ANKS1A: variants seen among roughly 807,000 people sequenced by gnomAD.
ANKS1A encodes ankyrin repeat and sterile alpha motif domain containing 1A.
In ANKS1A, 55 loss-of-function variants were observed where a neutral mutation model predicts 120.3. That is an observed-to-expected ratio of 0.46 (90% confidence interval 0.37 to 0.57). ANKS1A has a LOEUF of 0.57. ANKS1A is among the 20% of genes least tolerant of loss of function. The probability of loss-of-function intolerance (pLI) is 0.00; values close to 1 mark genes in which losing one functional copy is unlikely to be tolerated. For synonymous variants in ANKS1A, 590 were observed against 604.7 expected (o/e 0.98, Z 0.36); for missense variants, 1,123 against 1,480.3 (o/e 0.76, Z 3.96).
Position 35,084,113 on chromosome 6 carries a change from C to T in ANKS1A, c.2995-8C>T. On this transcript the variant is annotated splice_polypyrimidine_tract_variant and splice_region_variant and intron_variant, in intron 20 of 23. Coordinates refer to ENST00000360359, the MANE Select transcript of ANKS1A (RefSeq NM_015245.3). This position sits in a 1 kb window ranked among gnomAD's most constrained non-coding sequence, Gnocchi z 4.8. ...CTGAGAATTCCAGAACACGGCTTTCCCCAGCAGAACGTCATTGCAGAGCAC... is the reference window on the plus strand; with the variant it reads ...CTGAGAATTCCAGAACACGGCTTTCTCCAGCAGAACGTCATTGCAGAGCAC... 6.2e-7 allele frequency: 1 copy of T among 1,614,034 alleles called. No individual in the cohort carries two copies. The highest frequency in any genetic ancestry group is 1.1e-5 in the South Asian group (1 of 91,060).
At chr6:34,893,890 A>G (rs181851248) in intron 1 of ANKS1A, among the ~76,000 whole-genome samples, 5 of 152,352 alleles carry the variant, frequency 3.3e-5, no homozygotes, top group Non-Finnish European at 7.3e-5. Context: ...TCAAATAAAG[A>G]TTAAATTATG....
chr6:35,055,874 T>A (rs1001686022), intron 12 of ANKS1A, among the ~76,000 whole-genome samples: 3 of 152,174 alleles, frequency 2.0e-5, no homozygotes, highest in Admixed American at 6.5e-5. Flanking sequence ...AATTTGTGGA[T>A]CTGTTTTCAG....
intron 13 of ANKS1A, among the ~76,000 whole-genome samples, chr6:35,071,237 C>T (rs895671191): frequency 7.0e-6 from 1 of 142,140 alleles, no homozygotes; most frequent in Non-Finnish European, 1.5e-5. Flanking sequence ...TCTTGTGTCT[C>T]CCTAAAATGT....
rs144467519 is a variant in ANKS1A, at chr6:35,036,355, C to T, written c.2011-17744C>T. The stretch of plus-strand genomic sequence containing the variant: ...ATTTTTGCTTTGAGCTGAGATGCTG[C>T]GTTGGTTTTCATTGTAAAACATCAG... On this transcript the variant is annotated intron_variant, in intron 11 of 23. Coordinates refer to ENST00000360359, the MANE Select transcript of ANKS1A (RefSeq NM_015245.3). 1.0e-3 allele frequency among the ~76,000 whole-genome samples: 157 copies of T among 152,244 alleles called. 1 individual carries two copies. The highest frequency in any genetic ancestry group is 3.5e-3 in the African/African-American group (145 of 41,540).
chr6:35,084,524 C>CA lies in ANKS1A; in HGVS notation c.3132+267dup, dbSNP rs1039764280. Among the ~76,000 whole-genome samples the CA allele has an allele frequency of 4.7e-5, 7 of 148,116 alleles. No homozygotes were observed. The highest frequency in any genetic ancestry group is 1.0e-4 in the Non-Finnish European group (7 of 67,438). ...TTTTTTTTTTTAAGAGATGGAGTCT[C>CA]ACTATGTTGCCCAGGCTTGCCTTGC... On this transcript the variant is annotated intron_variant, in intron 21 of 23. Coordinates refer to ENST00000360359, the MANE Select transcript of ANKS1A (RefSeq NM_015245.3). The surrounding 1 kb of genome is among the most constrained non-coding windows in gnomAD (Gnocchi z 4.8).
chr6:34,969,728 C>T (rs987525558), intron 2 of ANKS1A, among the ~76,000 whole-genome samples: 2 of 152,120 alleles, frequency 1.3e-5, no homozygotes, highest in African/African-American at 2.4e-5. Context: ...ACAAAGAGTC[C>T]AGACATTTTC....
chr6:34,975,183 T>C (rs552555312), intron 3 of ANKS1A, among the ~76,000 whole-genome samples: 2 of 152,268 alleles, frequency 1.3e-5, no homozygotes, highest in African/African-American at 4.8e-5. Flanking sequence ...GGCCAGGTGC[T>C]GGAATTACAG....
chr6:35,082,632 GCAAGC>G lies in ANKS1A; in HGVS notation c.2710-57_2710-53del. 5 of 1,540,394 alleles carry G rather than the reference GCAAGC, an allele frequency of 3.2e-6. No individual in the cohort carries two copies. The Admixed American group carries it at 9.8e-5, about 30-fold the overall frequency. ...CCCTTGAGTGTGCTGGAGCCAGGCA[GCAAGC>G]CCATGTGCTCCTCTGGAGCAAGGAG... On this transcript the variant is annotated intron_variant, in intron 17 of 23. Coordinates refer to ENST00000360359, the MANE Select transcript of ANKS1A (RefSeq NM_015245.3). This position sits in a 1 kb window ranked among gnomAD's most constrained non-coding sequence, Gnocchi z 4.1.
chr6:34,903,786 A>G (rs1767495276), intron 1 of ANKS1A, among the ~76,000 whole-genome samples: 3 of 151,958 alleles, frequency 2.0e-5, no homozygotes, highest in African/African-American at 4.8e-5. Context: ...AAGTGTTGGG[A>G]TTACAGGCAT....
chr6:35,071,791 C>T (rs1051135799), intron 13 of ANKS1A, among the ~76,000 whole-genome samples: 5 of 152,262 alleles, frequency 3.3e-5, no homozygotes, highest in Non-Finnish European at 1.5e-5. Context: ...CTCCTACCTA[C>T]CCCGGCCTCG....
At position 34,945,199 on chromosome 6, in the gene ANKS1A, C is replaced by G. The variant is rs376634469; in HGVS notation, c.198-22040C>G. Among the ~76,000 whole-genome samples, 48 of 152,240 alleles carry G rather than the reference C, an allele frequency of 3.2e-4. 1 individual carries two copies. In the South Asian group the frequency reaches 1.0e-2, roughly 32 times the overall value. ...CAAGTGATTCTTCTGCCTCAGCCTC[C>G]CGAGTAGCTGGGACTACAGGCATGC... On this transcript the variant is annotated intron_variant, in intron 1 of 23. Coordinates refer to ENST00000360359, the MANE Select transcript of ANKS1A (RefSeq NM_015245.3).
chr6:34,985,341 G>A, intron 8 of ANKS1A, 63 bp downstream of exon 8: 2 of 1,520,692 alleles, frequency 1.3e-6, no homozygotes, highest in East Asian at 2.3e-5. Flanking sequence ...CTGAGGTGAT[G>A]GGGCACGGGG....
intron 1 of ANKS1A, among the ~76,000 whole-genome samples, chr6:34,900,788 A>C (rs1269081614): frequency 6.6e-6 from 1 of 152,146 alleles, no homozygotes; most frequent in Non-Finnish European, 1.5e-5. Flanking sequence ...TTTACCCAAG[A>C]ATGTAACACA....
At position 34,889,508 on chromosome 6, in the gene ANKS1A, G is replaced by A; in HGVS notation, c.106G>A (p.Gly36Ser). The A allele has an allele frequency of 7.8e-7, 1 of 1,275,080 alleles. No homozygotes were observed. The highest frequency in any genetic ancestry group is 3.5e-5 in the South Asian group (1 of 28,372). The allele number at this position is 1,275,080 out of a possible 1,614,324, so 79.0% of individuals were successfully genotyped here. Residue 36 changes from glycine to serine, a missense_variant, in exon 1 of 24, where the codon GGC becomes AGC. Coordinates refer to ENST00000360359, the MANE Select transcript of ANKS1A (RefSeq NM_015245.3). The surrounding 1 kb of genome is among the most constrained non-coding windows in gnomAD (Gnocchi z 5.5). ...GCTCTCCTCAGGCTTTGGGGGCGGC[G>A]GCGGCGGTGGCTCTGGGGGCGGCGG... is the stretch of plus-strand genomic sequence containing the variant. Reference protein sequence around the residue: ...KRLSSGFGGGGGGGSGGGGGG... With the variant: ...KRLSSGFGGGSGGGSGGGGGG...
intron 12 of ANKS1A, among the ~76,000 whole-genome samples, chr6:35,055,070 C>T (rs1359599068): frequency 6.6e-6 from 1 of 152,220 alleles, no homozygotes; most frequent in African/African-American, 2.4e-5. Context: ...CCTCCATGGG[C>T]TTCTGTGGCC....
chr6:35,049,400 AG>A (rs1775868221), intron 11 of ANKS1A, among the ~76,000 whole-genome samples: 1 of 152,256 alleles, frequency 6.6e-6, no homozygotes, highest in Non-Finnish European at 1.5e-5. Flanking sequence ...AGCGTGGCGC[AG>A]GGTCCTTACC....
chr6:35,014,877 C>G (rs2127555869), intron 10 of ANKS1A, among the ~76,000 whole-genome samples: 1 of 152,252 alleles, frequency 6.6e-6, no homozygotes, highest in African/African-American at 2.4e-5. Flanking sequence ...ATTAACTCTC[C>G]CCATCAGCTT....
At chr6:34,897,694 G>A (rs1767159255) in intron 1 of ANKS1A, among the ~76,000 whole-genome samples, 1 of 152,170 alleles carries the variant, frequency 6.6e-6, no homozygotes, top group African/African-American at 2.4e-5. Flanking sequence ...AGAGTTAATG[G>A]TAGTAATACT....
chr6:35,070,826 T>TG, intron 13 of ANKS1A: 1 of 489,506 alleles, frequency 2.0e-6, no homozygotes, highest in South Asian at 1.8e-5. Flanking sequence ...TCTTTTTTCT[T>TG]TGTGTGTGTG....
Sources: gnomAD v4.1 joint callset for allele counts (sites outside exome capture counted in the v4.1 genomes callset) on GRCh38, gnomAD v4.1.1 for gene constraint, Gnocchi (gnomAD v3.1) non-coding constraint, MANE v1.5 for transcripts, NCBI Gene and HGNC (gene_info 2026-07-23, HGNC 2026-07-21) for gene names.